The following NMBR variants were observed in gnomAD, a reference collection of about 807,000 sequenced individuals.
NMBR encodes neuromedin-B receptor.
Under a neutral mutation model 20.5 loss-of-function variants are expected in NMBR, and 16 were observed. The observed-to-expected ratio is 0.78, with a 90% CI of 0.53 to 1.19. The LOEUF (loss-of-function observed/expected upper bound fraction) is 1.19. Ranked by LOEUF, NMBR falls within the 50% of genes most tolerant of loss-of-function variation. The probability of loss-of-function intolerance (pLI) is 0.00; values close to 1 mark genes in which losing one functional copy is unlikely to be tolerated. For missense variants in NMBR, 582 were observed against 499.1 expected, an observed-to-expected ratio of 1.17 and a Z score of -1.58; for synonymous variants, 212 against 196.6, an observed-to-expected ratio of 1.08 and a Z score of -0.65.
At chr6:142,123,578 T>C (rs1258270479) in intron 1 of NMBR, among the ~76,000 whole-genome samples, 1 of 151,942 alleles carries the variant, frequency 6.6e-6, no homozygotes, top group Non-Finnish European at 1.5e-5. Context: ...GCTGACTTCA[T>C]TGTCTTATAC....
At chr6:142,121,799 T>G (rs1051981971) in intron 1 of NMBR, among the ~76,000 whole-genome samples, 2 of 151,870 alleles carry the variant, frequency 1.3e-5, no homozygotes, top group South Asian at 2.1e-4. Context: ...ACTATATACT[T>G]GTATTTAATT....
rs34631481 is a variant in NMBR, at chr6:142,126,757, A to ATTTTTTTT, written c.-664+20279_-664+20286dup. On this transcript the variant is annotated intron_variant, in intron 1 of 3. Transcript: ENST00000258042. ...ATTTTTGAGTCAGGTTATTTGAGGG[A>ATTTTTTTT]TTTTTTTTTTTTTTTTTTTTTTTTG... Among the ~76,000 whole-genome samples the ATTTTTTTT allele has an allele frequency of 2.5e-3, 126 of 51,326 alleles. 1 individual carries two copies. Among genetic ancestry groups the ATTTTTTTT allele is most frequent in the Admixed American group, 2.7e-3 (11 of 4,138 alleles). 33.7% of individuals were successfully genotyped at this position (51,326 alleles called of 152,430 possible).
intron 1 of NMBR, chr6:142,134,727 A>G (rs1416149284): frequency 5.8e-6 from 4 of 691,582 alleles, no homozygotes; most frequent in East Asian, 2.7e-5. Context: ...TTGGTTTCCA[A>G]GTAAAATCTC....
At chr6:142,108,569 GC>G (rs1370714646) in intron 1 of NMBR, among the ~76,000 whole-genome samples, 2 of 152,094 alleles carry the variant, frequency 1.3e-5, no homozygotes, top group Non-Finnish European at 2.9e-5. Context: ...AGGAGGAAAA[GC>G]CCCTTATAAA....
intron 1 of NMBR, among the ~76,000 whole-genome samples, chr6:142,123,472 T>C (rs1777980323): frequency 1.3e-5 from 2 of 151,932 alleles, no homozygotes; most frequent in African/African-American, 4.8e-5. Context: ...GAAGATTGGC[T>C]CCAATTTTGA....
chr6:142,135,588 G>C (rs898384566), intron 1 of NMBR, among the ~76,000 whole-genome samples: 2 of 150,960 alleles, frequency 1.3e-5, no homozygotes, highest in African/African-American at 2.4e-5. Context: ...CTGGTGTGCT[G>C]CACCCATTAA....
intron 1 of NMBR, among the ~76,000 whole-genome samples, chr6:142,123,301 C>G (rs1218281734): frequency 6.6e-6 from 1 of 151,906 alleles, no homozygotes; most frequent in Non-Finnish European, 1.5e-5. Context: ...TTGCTGTGAT[C>G]TCATGATAAA....
intron 2 of NMBR, among the ~76,000 whole-genome samples, chr6:142,086,121 T>C (rs1582838853): frequency 1.3e-5 from 2 of 152,198 alleles, no homozygotes; most frequent in East Asian, 1.9e-4. Context: ...ATACCAAGAA[T>C]TGTAATAATG....
chr6:142,096,638 T>C (rs1777458141), intron 1 of NMBR, among the ~76,000 whole-genome samples: 1 of 152,198 alleles, frequency 6.6e-6, no homozygotes, highest in Non-Finnish European at 1.5e-5. Flanking sequence ...CTGAAAAGAA[T>C]GTATATTCTG....
intron 1 of NMBR, among the ~76,000 whole-genome samples, chr6:142,121,758 T>A (rs989987445): frequency 2.0e-5 from 3 of 151,888 alleles, no homozygotes; most frequent in African/African-American, 7.3e-5. Flanking sequence ...TTTCCCACTC[T>A]ACACTATGTT....
chr6:142,125,098 G>A (rs1778006994), intron 1 of NMBR, among the ~76,000 whole-genome samples: 1 of 151,830 alleles, frequency 6.6e-6, no homozygotes, highest in Non-Finnish European at 1.5e-5. Flanking sequence ...GCTAAGGGTT[G>A]TGATTTATGA....
At position 142,134,574 on chromosome 6, in the gene NMBR, T is replaced by G. The variant is rs568134096; in HGVS notation, c.-664+12470A>C. On this transcript the variant is annotated intron_variant, in intron 1 of 3. Coordinates refer to ENST00000258042, the MANE Select transcript of NMBR (RefSeq NM_002511.4). ...TAGTTATTGTCCTGGTTCCTGGAGC[T>G]CTTTTCCACCTTTATGCTGCATGTA... 36 of 605,764 alleles carry G rather than the reference T, an allele frequency of 5.9e-5. No homozygotes were observed. The African/African-American group carries it at 6.4e-4, about 11-fold the overall frequency. 37.5% of individuals were successfully genotyped at this position (605,764 alleles called of 1,614,324 possible).
chr6:142,092,123 C>T (rs535154397), intron 1 of NMBR, among the ~76,000 whole-genome samples: 2 of 151,926 alleles, frequency 1.3e-5, no homozygotes, highest in Non-Finnish European at 2.9e-5. Flanking sequence ...CCAAGCAATG[C>T]TATTGCAACA....
chr6:142,144,089 C>T (rs372279526), intron 1 of NMBR, among the ~76,000 whole-genome samples: 1 of 152,186 alleles, frequency 6.6e-6, no homozygotes, highest in East Asian at 1.9e-4. Context: ...CATGTCCCAG[C>T]CATGGGCGGA....
At chr6:142,116,032 A>C (rs1232441225) in intron 1 of NMBR, among the ~76,000 whole-genome samples, 1 of 151,852 alleles carries the variant, frequency 6.6e-6, no homozygotes, top group Non-Finnish European at 1.5e-5. Context: ...TGATGGTTTT[A>C]AAAATGGGAG....
rs570911796 is a variant in NMBR, at chr6:142,085,303, C to T, written c.422+2934G>A. Among the ~76,000 whole-genome samples the T allele has an allele frequency of 4.6e-5, 7 of 152,262 alleles. No homozygotes were observed. The South Asian group carries it at 8.3e-4, about 18-fold the overall frequency. On this transcript the variant is annotated intron_variant, in intron 2 of 3. Transcript: ENST00000258042. ...CTTTGAGAAGCCGAGGTGGGCAGAT[C>T]GCTTGAGGTCAGCAGTTCGAGACCA...
At chr6:142,098,285 G>C (rs1184535018) in intron 1 of NMBR, among the ~76,000 whole-genome samples, 1 of 152,024 alleles carries the variant, frequency 6.6e-6, no homozygotes, top group African/African-American at 2.4e-5. Context: ...AGAAAAATGT[G>C]TACTCTCACC....
intron 1 of NMBR, chr6:142,133,160 T>A (rs755964199): frequency 2.9e-6 from 2 of 679,706 alleles, no homozygotes; most frequent in Non-Finnish European, 5.4e-6. Flanking sequence ...TCCTGAGACA[T>A]GTCTCTAAAT....
chr6:142,091,653 T>C (rs1278042545), intron 1 of NMBR, among the ~76,000 whole-genome samples: 2 of 152,206 alleles, frequency 1.3e-5, no homozygotes, highest in Non-Finnish European at 1.5e-5. Flanking sequence ...AGAGACAAGA[T>C]AAATTGTCTA....
Sources: gnomAD v4.1 joint callset for allele counts (sites outside exome capture counted in the v4.1 genomes callset) on GRCh38, gnomAD v4.1.1 for gene constraint, MANE v1.5 for transcripts, NCBI Gene and HGNC (gene_info 2026-07-23, HGNC 2026-07-21) for gene names.